The following PDE1C variants were observed in gnomAD, a reference collection of about 807,000 sequenced individuals.
PDE1C encodes dual specificity calcium/calmodulin-dependent 3',5'-cyclic nucleotide phosphodiesterase 1C.
PDE1C carries 62 observed loss-of-function variants against 93.1 expected under a neutral mutation model. The ratio of observed to expected loss-of-function variants is 0.67; its 90% confidence interval spans 0.54 to 0.82. The LOEUF is 0.82. PDE1C is among the 40% of genes least tolerant of loss of function. The pLI is 0.00. For missense variants in PDE1C, 742 were observed against 884.6 expected (o/e 0.84, Z 2.04); for synonymous variants, 325 against 310.1 (o/e 1.05, Z -0.50).
intron 3 of PDE1C, among the ~76,000 whole-genome samples, chr7:31,880,446 T>C (rs1221751169): frequency 6.6e-6 from 1 of 152,214 alleles, no homozygotes; most frequent in Non-Finnish European, 1.5e-5. Context: ...AATGGAGCTC[T>C]ATATCTGATT....
intron 1 of PDE1C, among the ~76,000 whole-genome samples, chr7:32,274,278 G>T (rs1811149313): frequency 6.7e-6 from 1 of 150,058 alleles, no homozygotes; most frequent in African/African-American, 2.5e-5. Flanking sequence ...CATGATCACA[G>T]CTCACTGCAG....
intron 2 of PDE1C, among the ~76,000 whole-genome samples, chr7:31,968,730 C>G (rs1810439736): frequency 6.6e-6 from 1 of 152,116 alleles, no homozygotes; most frequent in Admixed American, 6.5e-5. Context: ...CTACAGTAAC[C>G]AAAACAGCAT....
chr7:32,204,395 T>C (rs765224587), intron 2 of PDE1C, among the ~76,000 whole-genome samples: 1 of 152,130 alleles, frequency 6.6e-6, no homozygotes, highest in Non-Finnish European at 1.5e-5. Flanking sequence ...GGGGGAGAAA[T>C]TAGTCCTCCC....
At chr7:32,316,801 CA>C (rs145452588) in intron 1 of PDE1C, among the ~76,000 whole-genome samples, 15,117 of 152,252 alleles carry the variant, frequency 0.099, 811 homozygotes, top group African/African-American at 0.12. Flanking sequence ...ATGCTTTTGT[CA>C]GGCATTTAAG....
At chr7:32,345,794 A>G (rs1382391204) in intron 1 of PDE1C, among the ~76,000 whole-genome samples, 1 of 152,236 alleles carries the variant, frequency 6.6e-6, no homozygotes, top group Non-Finnish European at 1.5e-5. Context: ...CAAAACCACA[A>G]TGAGATACCA....
chr7:32,155,968 T>C (rs1191476062), intron 3 of PDE1C, among the ~76,000 whole-genome samples: 1 of 152,154 alleles, frequency 6.6e-6, no homozygotes, highest in East Asian at 1.9e-4. Context: ...GAAACGGCCA[T>C]GTGAGAAGAC....
At chr7:31,620,680 G>A in the PDE1C span, among the ~76,000 whole-genome samples, 6 of 151,508 alleles carry the variant, frequency 4.0e-5, 1 homozygote, top group African/African-American at 9.7e-5. Flanking sequence ...CAGAAAAACT[G>A]GAAACTCTAA....
intron 1 of PDE1C, among the ~76,000 whole-genome samples, chr7:32,223,223 C>CA (rs1203102031): frequency 6.6e-6 from 1 of 152,210 alleles, no homozygotes; most frequent in Non-Finnish European, 1.5e-5. Flanking sequence ...ATTCCCATTT[C>CA]ACTTGTTTTT....
At chr7:32,082,002 T>G (rs4361683) in intron 3 of PDE1C, among the ~76,000 whole-genome samples, 2 of 152,098 alleles carry the variant, frequency 1.3e-5, no homozygotes, top group Middle Eastern at 3.4e-3. Flanking sequence ...GAGTGCCAGA[T>G]AGTGGGTGCA....
At chr7:31,948,092 C>T (rs1419298199) in intron 2 of PDE1C, among the ~76,000 whole-genome samples, 2 of 152,230 alleles carry the variant, frequency 1.3e-5, no homozygotes, top group South Asian at 2.1e-4. Flanking sequence ...GCACCTACAA[C>T]ACTGCTAGTC....
intron 1 of PDE1C, among the ~76,000 whole-genome samples, chr7:32,261,579 G>A (rs1810205999): frequency 1.3e-5 from 2 of 152,172 alleles, no homozygotes; most frequent in African/African-American, 2.4e-5. Flanking sequence ...AGTGGGCAAG[G>A]TGAAACCATT....
At chr7:31,694,319 C>G in the PDE1C span, among the ~76,000 whole-genome samples, 1 of 151,428 alleles carries the variant, frequency 6.6e-6, no homozygotes, top group African/African-American at 2.4e-5. Context: ...TTTGGGACAT[C>G]TGAAGTATAT....
At chr7:31,975,114 C>G (rs1237278300) in intron 2 of PDE1C, among the ~76,000 whole-genome samples, 1 of 152,160 alleles carries the variant, frequency 6.6e-6, no homozygotes, top group Non-Finnish European at 1.5e-5. Context: ...TTCAGAAAAT[C>G]TAAAGTGGCT....
intron 1 of PDE1C, among the ~76,000 whole-genome samples, chr7:32,238,389 C>A (rs1808293912): frequency 6.6e-6 from 1 of 152,136 alleles, no homozygotes; most frequent in South Asian, 2.1e-4. Context: ...AAGACAACAG[C>A]ATAAAGATGT....
At chr7:32,339,857 T>C (rs1488779448) in intron 1 of PDE1C, among the ~76,000 whole-genome samples, 1 of 152,138 alleles carries the variant, frequency 6.6e-6, no homozygotes, top group Admixed American at 6.5e-5. Flanking sequence ...AGGGCCACCC[T>C]GCGGTGTAGG....
intron 3 of PDE1C, among the ~76,000 whole-genome samples, chr7:32,161,217 A>C (rs866980429): frequency 1.3e-5 from 2 of 152,216 alleles, no homozygotes. Flanking sequence ...CTAATGCAAA[A>C]TATGAATAAG....
chr7:31,771,429 A>G (rs181202595), intron 17 of PDE1C, among the ~76,000 whole-genome samples: 35 of 152,280 alleles, frequency 2.3e-4, no homozygotes, highest in Non-Finnish European at 4.3e-4. Flanking sequence ...ATGGGTGTGA[A>G]GTGGCATCTC....
chr7:31,810,591 T>C (rs1303423266), intron 15 of PDE1C, among the ~76,000 whole-genome samples: 1 of 152,110 alleles, frequency 6.6e-6, no homozygotes, highest in Non-Finnish European at 1.5e-5. Context: ...TTTCCAAATT[T>C]AAGTTTTTTT....
intron 1 of PDE1C, among the ~76,000 whole-genome samples, chr7:32,238,221 A>G (rs1168362104): frequency 1.3e-5 from 2 of 152,252 alleles, no homozygotes. Flanking sequence ...ATTAGAAAGT[A>G]TAACTTTTCA....
Sources: allele counts gnomAD v4.1 joint callset (sites outside exome capture counted in the v4.1 genomes callset), GRCh38; gene constraint gnomAD v4.1.1; transcripts MANE v1.5; gene names NCBI Gene and HGNC (gene_info 2026-07-23, HGNC 2026-07-21).